The following DOCK10 variants were observed in gnomAD, a reference collection of about 807,000 sequenced individuals.
The protein encoded by DOCK10 is dedicator of cytokinesis 10.
DOCK10 carries 145 observed loss-of-function variants against 280.1 expected under a neutral mutation model. The observed-to-expected ratio is 0.52, with a 90% CI of 0.45 to 0.59. The LOEUF (loss-of-function observed/expected upper bound fraction) is 0.59. Ranked by LOEUF, DOCK10 falls within the 20% of genes least tolerant of loss-of-function variation. DOCK10 has a pLI of 0.00. For missense variants in DOCK10, 2,368 were observed against 2,651.7 expected (o/e 0.89, Z 2.35); for synonymous variants, 915 against 942.2 (o/e 0.97, Z 0.53).
At chr2:224,988,235 C>G (rs2126266004) in intron 1 of DOCK10, among the ~76,000 whole-genome samples, 1 of 152,254 alleles carries the variant, frequency 6.6e-6, no homozygotes, top group East Asian at 1.9e-4. Context: ...CTGTAGGTTT[C>G]CTTTCTAACA....
At chr2:224,849,886 G>C (rs1046732908) in intron 18 of DOCK10, among the ~76,000 whole-genome samples, 1 of 152,164 alleles carries the variant, frequency 6.6e-6, no homozygotes, top group Non-Finnish European at 1.5e-5. Context: ...GTGGCCACAG[G>C]AGAACAGAAA....
At chr2:224,989,465 A>G (rs1706069464) in intron 1 of DOCK10, among the ~76,000 whole-genome samples, 1 of 152,176 alleles carries the variant, frequency 6.6e-6, no homozygotes, top group African/African-American at 2.4e-5. Flanking sequence ...GCTCTTAATC[A>G]TGTTGGACTT....
chr2:224,953,538 C>T (rs547744175), intron 1 of DOCK10, among the ~76,000 whole-genome samples: 24 of 152,340 alleles, frequency 1.6e-4, no homozygotes, highest in Non-Finnish European at 2.1e-4. Flanking sequence ...CTCAGGCTCA[C>T]TGCTTCCTGC....
chr2:224,830,010 G>T (rs1046631195), intron 27 of DOCK10, among the ~76,000 whole-genome samples: 1 of 152,206 alleles, frequency 6.6e-6, no homozygotes, highest in East Asian at 1.9e-4. Flanking sequence ...ACAGAATCTA[G>T]TGGGAAGAAT....
rs1334990240 is a variant in DOCK10 at position 224,928,681 on chromosome 2, T to C, written c.243+2868A>G. ...CAGTTGCTTAATGCAAATTAAAATT[T>C]AGCCATTTGGAGGATGTGACATTTG... On this transcript the variant is annotated intron_variant, in intron 2 of 55. Coordinates refer to ENST00000258390, the MANE Select transcript of DOCK10 (RefSeq NM_014689.3). Among the ~76,000 whole-genome samples the C allele has an allele frequency of 2.6e-5, 4 of 152,366 alleles. No individual in the cohort carries two copies. The East Asian group carries it at 5.8e-4, about 22-fold the overall frequency.
intron 27 of DOCK10, among the ~76,000 whole-genome samples, chr2:224,825,119 C>T (rs376068865): frequency 2.0e-4 from 30 of 151,860 alleles, no homozygotes; most frequent in African/African-American, 6.5e-4. Context: ...GCTGGGATTA[C>T]AGGCACCTGC....
At chr2:224,932,571 G>A (rs1351810312) in intron 1 of DOCK10, among the ~76,000 whole-genome samples, 4 of 152,156 alleles carry the variant, frequency 2.6e-5, no homozygotes, top group South Asian at 4.1e-4. Context: ...AGTGAAAAGC[G>A]GTGGTCCTCT....
chr2:224,949,207 A>T (rs1011361033), intron 1 of DOCK10, among the ~76,000 whole-genome samples: 1 of 152,096 alleles, frequency 6.6e-6, no homozygotes, highest in East Asian at 1.9e-4. Context: ...CTGTTTCTCA[A>T]CCATTCTATG....
In DOCK10 at chr2:224,773,146, T is replaced by C. The variant is rs771674606; in HGVS notation, c.6204+11A>G. ...CCATGTGCATCTCAGCCCTGGGCAA[T>C]GCTTACTCACCTTCACGCTGACACT... is the stretch of plus-strand genomic sequence containing the variant. On this transcript the variant is annotated intron_variant, in intron 53 of 55. Coordinates refer to ENST00000258390, the MANE Select transcript of DOCK10 (RefSeq NM_014689.3). 1 of 1,601,330 alleles carries C rather than the reference T, an allele frequency of 6.2e-7. No individual in the cohort carries two copies. The highest frequency in any genetic ancestry group is 8.5e-7 in the Non-Finnish European group (1 of 1,170,656).
chr2:224,792,887 A>T, intron 47 of DOCK10, 87 bp downstream of exon 47: 1 of 1,014,202 alleles, frequency 9.9e-7, no homozygotes, highest in Non-Finnish European at 1.5e-6. Flanking sequence ...TTCTAAGAAT[A>T]TATTTAAGAA....
intron 40 of DOCK10, among the ~76,000 whole-genome samples, chr2:224,801,597 G>A (rs369949897): frequency 1.1e-4 from 16 of 152,236 alleles, no homozygotes; most frequent in African/African-American, 3.9e-4. Flanking sequence ...TGGGACATGG[G>A]CAACTTTATC....
At chr2:225,029,853 C>G (rs1690028250) in intron 1 of DOCK10, among the ~76,000 whole-genome samples, 2 of 151,926 alleles carry the variant, frequency 1.3e-5, no homozygotes, top group African/African-American at 2.4e-5. Context: ...TTAGAAAATA[C>G]AGATGTAAGG....
intron 1 of DOCK10, among the ~76,000 whole-genome samples, chr2:225,027,451 A>G (rs1689948000): frequency 6.6e-6 from 1 of 152,180 alleles, no homozygotes; most frequent in African/African-American, 2.4e-5. Context: ...CCCAATTCTC[A>G]TATCAAATTG....
chr2:224,919,590 G>A (rs549898468), intron 2 of DOCK10, among the ~76,000 whole-genome samples: 113 of 151,244 alleles, frequency 7.5e-4, no homozygotes, highest in African/African-American at 2.6e-3. Flanking sequence ...GTACATGTGT[G>A]AATGAATGTG....
chr2:224,916,669 T>G, intron 3 of DOCK10, 26 bp downstream of exon 3: 1 of 1,539,256 alleles, frequency 6.5e-7, no homozygotes, highest in Non-Finnish European at 8.9e-7. Context: ...AGCCTTAAAA[T>G]AAAGCATTGG....
intron 1 of DOCK10, among the ~76,000 whole-genome samples, chr2:224,962,379 G>A (rs1704498967): frequency 6.6e-6 from 1 of 152,174 alleles, no homozygotes; most frequent in South Asian, 2.1e-4. Context: ...AATAAGCACT[G>A]TAGTCAGCAT....
chr2:224,914,271 AT>A lies in DOCK10; in HGVS notation c.333+2423del, dbSNP rs1701194443. 2.0e-5 allele frequency among the ~76,000 whole-genome samples: 3 copies of A among 152,296 alleles called. No individual in the cohort carries two copies. The South Asian group carries it at 6.2e-4, about 32-fold the overall frequency. ...TTTTGTTTCACTGGTTTATTTGTTC[AT>A]TCCAGAACACAGAAAAAGATGTAGA... On this transcript the variant is annotated intron_variant, in intron 3 of 55. Transcript: ENST00000258390.
intron 1 of DOCK10, among the ~76,000 whole-genome samples, chr2:224,990,558 T>G (rs1706098014): frequency 6.6e-6 from 1 of 152,172 alleles, no homozygotes; most frequent in Non-Finnish European, 1.5e-5. Flanking sequence ...TAAACACTGC[T>G]TGTTTTCTCC....
chr2:224,788,955 G>T, intron 48 of DOCK10, 109 bp downstream of exon 48: 1 of 673,788 alleles, frequency 1.5e-6, no homozygotes, highest in Non-Finnish European at 2.5e-6. Flanking sequence ...GTCTAATTAA[G>T]TTATATTATA....
Sources: allele counts gnomAD v4.1 joint callset (sites outside exome capture counted in the v4.1 genomes callset), GRCh38; gene constraint gnomAD v4.1.1; transcripts MANE v1.5; gene names NCBI Gene and HGNC (gene_info 2026-07-23, HGNC 2026-07-21).